The following EDN3 variants were observed in gnomAD, a reference collection of about 807,000 sequenced individuals.
EDN3 encodes the protein endothelin-3.
Under a neutral mutation model 21.4 loss-of-function variants are expected in EDN3, and 9 were observed. That is an observed-to-expected ratio of 0.42 (90% CI 0.25 to 0.73). The LOEUF (loss-of-function observed/expected upper bound fraction) is 0.73, where lower values mean the gene tolerates loss of function less well. Ranked by LOEUF, EDN3 falls within the 30% of genes least tolerant of loss-of-function variation. The pLI, the probability that EDN3 is intolerant of heterozygous loss-of-function variation, is 0.26. For synonymous variants in EDN3, 133 were observed against 126.2 expected (o/e 1.05, Z -0.36); for missense variants, 327 against 309.4 (o/e 1.06, Z -0.43).
intron 2 of EDN3, among the ~76,000 whole-genome samples, chr20:59,315,307 G>A (rs1002609991): frequency 2.0e-5 from 3 of 152,256 alleles, no homozygotes; most frequent in African/African-American, 7.2e-5. Context: ...CTGTCTGCCA[G>A]TGGGAAACAG....
chr20:59,322,900 AG>A lies in EDN3; in HGVS notation c.588+486del, dbSNP rs1209416380. Among the ~76,000 whole-genome samples the A allele has an allele frequency of 1.3e-5, 2 of 152,148 alleles. No homozygotes were observed. Among genetic ancestry groups the A allele is most frequent in the African/African-American group, 4.8e-5 (2 of 41,430 alleles). ...AGGTGAATTACAGCAGCTTGACAGC[AG>A]GGTCCCTTGGTTCTCCAGTTCATTG... On this transcript the variant is annotated intron_variant, in intron 4 of 4. Coordinates refer to ENST00000337938, the MANE Select transcript of EDN3 (RefSeq NM_207034.3). The surrounding 1 kb of genome is among the most constrained non-coding windows in gnomAD (Gnocchi z 4.1).
intron 2 of EDN3, among the ~76,000 whole-genome samples, chr20:59,306,951 C>T (rs773776375): frequency 1.6e-4 from 24 of 152,230 alleles, no homozygotes; most frequent in Admixed American, 4.6e-4. Flanking sequence ...TTGAGATGAG[C>T]CTGGCCAACA....
Position 59,322,264 on chromosome 20 carries a change from C to A in EDN3, c.543-108C>A. ...TGCCTGAGACGCAGTCCTTGGGGAA[C>A]GCACTAATGTGCTCATTGGTGGGGA... On this transcript the variant is annotated intron_variant, in intron 3 of 4. Coordinates refer to ENST00000337938, the MANE Select transcript of EDN3 (RefSeq NM_207034.3). The surrounding 1 kb of genome is among the most constrained non-coding windows in gnomAD (Gnocchi z 4.1). 1.6e-6 allele frequency: 2 copies of A among 1,233,144 alleles called. No homozygotes were observed. Among genetic ancestry groups the A allele is most frequent in the Non-Finnish European group, 1.2e-6 (1 of 839,210 alleles). The allele number at this position is 1,233,144 out of a possible 1,614,324, so 76.4% of individuals were successfully genotyped here. A position where few individuals can be genotyped will look rare whatever the true frequency, so the allele number is the denominator to read the frequency against.
At chr20:59,317,009 T>C (rs1990227620) in intron 2 of EDN3, among the ~76,000 whole-genome samples, 1 of 152,226 alleles carries the variant, frequency 6.6e-6, no homozygotes, top group Non-Finnish European at 1.5e-5. Context: ...AGGATTGTAT[T>C]CTGAAAACCC....
Position 59,324,627 on chromosome 20 carries a change from T to A in EDN3, c.*168T>A. On this transcript the variant is annotated 3_prime_UTR_variant, in exon 5 of 5. Coordinates refer to ENST00000337938, the MANE Select transcript of EDN3 (RefSeq NM_207034.3). ...CCCCCCCACGGCAAGAATGCCCAAA[T>A]CCGAATGACCCCAGTTTTCCTAATG... 1.1e-6 allele frequency: 1 copy of A among 871,690 alleles called. No individual in the cohort carries two copies. Among genetic ancestry groups the A allele is most frequent in the South Asian group, 1.5e-5 (1 of 65,042 alleles). The allele number at this position is 871,690 out of a possible 1,614,324, so 54.0% of individuals were successfully genotyped here.
At chr20:59,315,035 T>C (rs1990086233) in intron 2 of EDN3, among the ~76,000 whole-genome samples, 1 of 152,222 alleles carries the variant, frequency 6.6e-6, no homozygotes, top group Non-Finnish European at 1.5e-5. Flanking sequence ...TATTTCACCC[T>C]GTCTTAGTCA....
chr20:59,306,063 AC>A (rs1408478399), intron 2 of EDN3, among the ~76,000 whole-genome samples: 1 of 152,046 alleles, frequency 6.6e-6, no homozygotes, highest in Non-Finnish European at 1.5e-5. Flanking sequence ...GCTGTGAAGC[AC>A]CCAGCAAAGA....
chr20:59,324,565 G>C lies in EDN3; in HGVS notation c.*106G>C. ...ACAAGAAGTGAATTTGCCTGGGGCAGAACACCCACCCAAAGAGTCCCCACT... is the reference window on the plus strand; with the variant it reads ...ACAAGAAGTGAATTTGCCTGGGGCACAACACCCACCCAAAGAGTCCCCACT... On this transcript the variant is annotated 3_prime_UTR_variant, in exon 5 of 5. Transcript: ENST00000337938. The C allele has an allele frequency of 1.6e-5, 25 of 1,516,368 alleles. 2 individuals carry two copies. In the South Asian group the frequency reaches 2.6e-4, roughly 16 times the overall value. 93.9% of individuals were successfully genotyped at this position (1,516,368 alleles called of 1,614,324 possible).
chr20:59,311,656 G>GT (rs57971399), intron 2 of EDN3, among the ~76,000 whole-genome samples: 10,338 of 142,720 alleles, frequency 0.072, 934 homozygotes, highest in African/African-American at 0.21. Context: ...TTTTGGCCAT[G>GT]TTTTTTTTTT....
chr20:59,301,786 A>T (rs1989061665), intron 2 of EDN3, 64 bp downstream of exon 2: 1 of 1,565,904 alleles, frequency 6.4e-7, no homozygotes, highest in Non-Finnish European at 8.8e-7. Flanking sequence ...GCTCATTCCC[A>T]GGAGGACCTC....
intron 2 of EDN3, 133 bp from the exon 3 acceptor site, chr20:59,320,884 G>T (rs1165133944): frequency 1.1e-6 from 1 of 890,502 alleles, no homozygotes; most frequent in Non-Finnish European, 1.8e-6. Context: ...ACCCAGAGCT[G>T]TAGTGGGGAG....
intron 2 of EDN3, among the ~76,000 whole-genome samples, chr20:59,316,945 G>T (rs1990224412): frequency 6.6e-6 from 1 of 152,190 alleles, no homozygotes; most frequent in South Asian, 2.1e-4. Context: ...TTTGCATGGA[G>T]CTTTGTTTTA....
In EDN3 at chr20:59,321,202, C is replaced by T. The variant is rs1410944487; in HGVS notation, c.542+9C>T. ...ACTCTGGACGTCAGCAGGTATGACA[C>T]CTCCTCCAGTTTCACTCATTTGCAG... On this transcript the variant is annotated intron_variant, in intron 3 of 4. Coordinates refer to ENST00000337938, the MANE Select transcript of EDN3 (RefSeq NM_207034.3). 1.9e-6 allele frequency: 3 copies of T among 1,614,170 alleles called. No homozygotes were observed. Among genetic ancestry groups the T allele is most frequent in the Non-Finnish European group, 2.5e-6 (3 of 1,179,980 alleles).
chr20:59,314,963 T>C (rs1048225993), intron 2 of EDN3, among the ~76,000 whole-genome samples: 1 of 152,196 alleles, frequency 6.6e-6, no homozygotes, highest in Non-Finnish European at 1.5e-5. Context: ...CACCAGAGAT[T>C]GCATATGTAG....
intron 2 of EDN3, 138 bp from the exon 3 acceptor site, chr20:59,320,879 G>C (rs1872727441): frequency 1.2e-6 from 1 of 861,922 alleles, no homozygotes; most frequent in African/African-American, 1.7e-5. Flanking sequence ...CTAAGACCCA[G>C]AGCTGTAGTG....
chr20:59,318,262 C>T (rs968841994), intron 2 of EDN3, among the ~76,000 whole-genome samples: 2 of 152,126 alleles, frequency 1.3e-5, no homozygotes, highest in Non-Finnish European at 1.5e-5. Flanking sequence ...TTGAAGCCAG[C>T]GCTGGTGTGG....
chr20:59,309,380 G>C (rs1036668582), intron 2 of EDN3, among the ~76,000 whole-genome samples: 1 of 152,132 alleles, frequency 6.6e-6, no homozygotes, highest in African/African-American at 2.4e-5. Context: ...GACCCCATGG[G>C]GCACCAGTAG....
At chr20:59,310,377 G>A (rs546539878) in intron 2 of EDN3, among the ~76,000 whole-genome samples, 65 of 152,248 alleles carry the variant, frequency 4.3e-4, no homozygotes, top group Non-Finnish European at 6.3e-4. Flanking sequence ...AATTGCACTC[G>A]GAAAATAAAT....
At chr20:59,323,370 G>A (rs1220982318) in intron 4 of EDN3, among the ~76,000 whole-genome samples, 1 of 152,090 alleles carries the variant, frequency 6.6e-6, no homozygotes, top group East Asian at 1.9e-4. Context: ...AGCGAGGGCG[G>A]GATGTAATTA....
Sources: gnomAD v4.1 joint callset for allele counts (sites outside exome capture counted in the v4.1 genomes callset) on GRCh38, gnomAD v4.1.1 for gene constraint, Gnocchi (gnomAD v3.1) non-coding constraint, MANE v1.5 for transcripts, NCBI Gene and HGNC (gene_info 2026-07-23, HGNC 2026-07-21) for gene names.